The following SHC4 variants were observed in gnomAD, a reference collection of about 807,000 sequenced individuals.
SHC4 encodes SHC-transforming protein 4.
SHC4 carries 41 observed loss-of-function variants against 69.4 expected under a neutral mutation model. The ratio of observed to expected loss-of-function variants is 0.59; its 90% CI spans 0.46 to 0.77. The LOEUF is 0.77. SHC4 is among the 30% of genes least tolerant of loss of function. The pLI, the probability that SHC4 is intolerant of heterozygous loss-of-function variation, is 0.00. For missense variants in SHC4, 777 were observed against 783.8 expected (o/e 0.99, Z 0.10); for synonymous variants, 318 against 299.3 (o/e 1.06, Z -0.64).
intron 2 of SHC4, among the ~76,000 whole-genome samples, chr15:48,905,485 A>G (rs752095006): frequency 3.3e-5 from 5 of 152,232 alleles, no homozygotes; most frequent in Non-Finnish European, 7.3e-5. Context: ...TCTTACTTGC[A>G]TTGTAAAATG....
At chr15:48,831,821 G>A (rs1898808077) in intron 11 of SHC4, among the ~76,000 whole-genome samples, 2 of 152,078 alleles carry the variant, frequency 1.3e-5, no homozygotes, top group South Asian at 2.1e-4. Context: ...ACCTTTACCA[G>A]CAAGCTTTGT....
At chr15:48,829,482 CCTT>C (rs959289943) in intron 11 of SHC4, among the ~76,000 whole-genome samples, 13 of 152,172 alleles carry the variant, frequency 8.5e-5, no homozygotes, top group African/African-American at 3.1e-4. Flanking sequence ...TATATCATGT[CCTT>C]CTTTGTCTCT....
chr15:48,924,691 A>T (rs1373605346), intron 2 of SHC4, among the ~76,000 whole-genome samples, 188 bp downstream of exon 2: 1 of 152,222 alleles, frequency 6.6e-6, no homozygotes, highest in African/African-American at 2.4e-5. Context: ...ACTGCCACAC[A>T]GTTGAGAAAT....
intron 7 of SHC4, 42 bp downstream of exon 7, chr15:48,857,650 A>C (rs1324972987): frequency 1.4e-6 from 2 of 1,437,236 alleles, no homozygotes; most frequent in Non-Finnish European, 1.9e-6. Context: ...AAATGCACAC[A>C]TATATATATA....
intron 4 of SHC4, among the ~76,000 whole-genome samples, chr15:48,875,991 C>T (rs559511176): frequency 1.3e-5 from 2 of 152,218 alleles, no homozygotes; most frequent in African/African-American, 2.4e-5. Flanking sequence ...TCTTCTCTTA[C>T]ACACAGAAGT....
At chr15:48,934,439 T>C (rs1901030483) in intron 1 of SHC4, among the ~76,000 whole-genome samples, 2 of 152,012 alleles carry the variant, frequency 1.3e-5, no homozygotes, top group Non-Finnish European at 2.9e-5. Context: ...ACCAGCAAAC[T>C]GAAAATAAAT....
At chr15:48,878,192 G>A (rs919749526) in intron 4 of SHC4, 22 of 1,561,638 alleles carry the variant, frequency 1.4e-5, no homozygotes, top group Non-Finnish European at 1.9e-5. Context: ...GGAAATGGCT[G>A]AGTTGTCCGA....
chr15:48,956,591 G>A (rs933087912), intron 1 of SHC4, among the ~76,000 whole-genome samples: 14 of 152,080 alleles, frequency 9.2e-5, no homozygotes, highest in Admixed American at 5.2e-4. Context: ...GCCTGCCCCC[G>A]AACTAGCCCA....
At chr15:48,929,436 C>T (rs78703336) in intron 1 of SHC4, among the ~76,000 whole-genome samples, 61 of 152,222 alleles carry the variant, frequency 4.0e-4, no homozygotes, top group Non-Finnish European at 6.2e-4. Context: ...GTCATTGTTG[C>T]TAACTTTATT....
chr15:48,835,354 G>A (rs1595726144), intron 10 of SHC4, among the ~76,000 whole-genome samples: 1 of 152,146 alleles, frequency 6.6e-6, no homozygotes, highest in Admixed American at 6.5e-5. Context: ...GGGGTTGCAT[G>A]TTAAAGAGAA....
At chr15:48,896,606 C>T (rs531271748) in intron 2 of SHC4, among the ~76,000 whole-genome samples, 67 of 152,248 alleles carry the variant, frequency 4.4e-4, no homozygotes, top group African/African-American at 1.5e-3. Flanking sequence ...AGACATGAGC[C>T]ACCGCGCCCA....
chr15:48,854,676 A>T (rs1440515109), intron 8 of SHC4, among the ~76,000 whole-genome samples: 1 of 152,214 alleles, frequency 6.6e-6, no homozygotes, highest in Non-Finnish European at 1.5e-5. Flanking sequence ...AACAACATGG[A>T]TGCTGCTGGA....
chr15:48,956,958 CT>C (rs1195799152), intron 1 of SHC4, among the ~76,000 whole-genome samples: 2 of 21,828 alleles, frequency 9.2e-5, no homozygotes, highest in Non-Finnish European at 2.8e-4. Context: ...CTTTTTCTTT[CT>C]TTCTTTCTTT....
intron 2 of SHC4, among the ~76,000 whole-genome samples, chr15:48,904,306 T>C: frequency 6.6e-6 from 1 of 152,316 alleles, no homozygotes; most frequent in Non-Finnish European, 1.5e-5. Context: ...TCAATATTCT[T>C]ATGGACAAAA....
chr15:48,852,233 C>A (rs1014189368), intron 8 of SHC4, among the ~76,000 whole-genome samples: 3 of 152,020 alleles, frequency 2.0e-5, no homozygotes, highest in Non-Finnish European at 2.9e-5. Flanking sequence ...AAGATAAAGG[C>A]CAAGGGTAGA....
chr15:48,919,198 G>T (rs919043015), intron 2 of SHC4, among the ~76,000 whole-genome samples: 2 of 151,386 alleles, frequency 1.3e-5, no homozygotes, highest in Admixed American at 6.6e-5. Context: ...CTCCCCTCCA[G>T]TCAGCGTTTC....
Position 48,856,140 on chromosome 15 carries a change from G to C in SHC4, c.1071-16C>G, listed in dbSNP as rs1013153396. 6.2e-7 allele frequency: 1 copy of C among 1,604,574 alleles called. No homozygotes were observed. The highest frequency in any genetic ancestry group is 8.5e-7 in the Non-Finnish European group (1 of 1,175,150). ...CACCTCCTCACTGTGAAGGAAAAAA[G>C]AATCCTCAAGAGGCTGGGCGAAAAT... On this transcript the variant is annotated splice_polypyrimidine_tract_variant and intron_variant, in intron 7 of 11. Transcript: ENST00000332408.
chr15:48,884,432 G>GTTAATT, intron 3 of SHC4, 65 bp from the exon 4 acceptor site: 1 of 1,402,834 alleles, frequency 7.1e-7, no homozygotes, highest in African/African-American at 1.5e-5. Context: ...AAATGTTAAT[G>GTTAATT]TTTTTTAAAT....
chr15:48,883,446 A>G (rs1316697699), intron 4 of SHC4, among the ~76,000 whole-genome samples: 1 of 152,248 alleles, frequency 6.6e-6, no homozygotes, highest in African/African-American at 2.4e-5. Flanking sequence ...CCAAGTACAT[A>G]TTAAACCTTG....
Sources: gnomAD v4.1 joint callset for allele counts (sites outside exome capture counted in the v4.1 genomes callset) on GRCh38, gnomAD v4.1.1 for gene constraint, MANE v1.5 for transcripts, NCBI Gene and HGNC (gene_info 2026-07-23, HGNC 2026-07-21) for gene names.